Variants in TTC6 observed in about 807,000 individuals in gnomAD.
TTC6 encodes the protein tetratricopeptide repeat protein 6.
A neutral mutation model predicts 210.4 loss-of-function variants in TTC6; 172 were observed. That is an observed-to-expected ratio of 0.82 (90% confidence interval 0.72 to 0.93). The LOEUF is 0.93. Ranked by LOEUF, TTC6 falls within the 40% of genes least tolerant of loss-of-function variation. TTC6 has a pLI of 0.00. For synonymous variants in TTC6, 804 were observed against 819.6 expected, an observed-to-expected ratio of 0.98 and a Z score of 0.32; for missense variants, 2,414 against 2,318.1, an observed-to-expected ratio of 1.04 and a Z score of -0.85.
At chr14:37,791,229 G>A (rs1360223754) in intron 16 of TTC6, among the ~76,000 whole-genome samples, 1 of 152,056 alleles carries the variant, frequency 6.6e-6, no homozygotes, top group Non-Finnish European at 1.5e-5. Context: ...GCTATGGACA[G>A]GATACAACTC....
intron 29 of TTC6, among the ~76,000 whole-genome samples, chr14:37,828,576 T>G (rs1304811333): frequency 6.6e-6 from 1 of 152,096 alleles, no homozygotes; most frequent in Non-Finnish European, 1.5e-5. Context: ...GTTTTATTAA[T>G]GTTTTCCCCA....
At chr14:37,753,669 T>C (rs1306809945) in intron 14 of TTC6, among the ~76,000 whole-genome samples, 1 of 151,986 alleles carries the variant, frequency 6.6e-6, no homozygotes. Flanking sequence ...CCTGGGCTCA[T>C]GCGATCCTCC....
intron 5 of TTC6, among the ~76,000 whole-genome samples, chr14:37,704,185 C>T (rs1429679820): frequency 1.3e-5 from 2 of 152,044 alleles, no homozygotes; most frequent in African/African-American, 2.4e-5. Flanking sequence ...CTCCTGGGCT[C>T]CTCCCACTTC....
intron 1 of TTC6, among the ~76,000 whole-genome samples, chr14:37,661,472 A>T (rs1049244004): frequency 6.6e-6 from 1 of 152,204 alleles, no homozygotes; most frequent in African/African-American, 2.4e-5. Context: ...TGAAGATTAG[A>T]TGCTTGTAGC....
chr14:37,622,717 G>A (rs2095653615), exon 1 of TTC6: 1 of 1,535,030 alleles, frequency 6.5e-7, no homozygotes, highest in African/African-American at 1.4e-5. Context: ...ATGGAGGCCA[G>A]CAGCGGGCGG....
At chr14:37,791,904 G>C (rs1277213660) in intron 16 of TTC6, among the ~76,000 whole-genome samples, 1 of 152,076 alleles carries the variant, frequency 6.6e-6, no homozygotes, top group Non-Finnish European at 1.5e-5. Context: ...ACTGTCACTC[G>C]TGGCCAATAG....
chr14:37,648,924 T>C (rs1366106234), intron 1 of TTC6, among the ~76,000 whole-genome samples: 1 of 152,126 alleles, frequency 6.6e-6, no homozygotes, highest in Non-Finnish European at 1.5e-5. Context: ...CAGCATGTAG[T>C]GGGTTTGAAT....
chr14:37,600,351 G>T (rs1033079128), intron 1 of TTC6, among the ~76,000 whole-genome samples: 1 of 152,144 alleles, frequency 6.6e-6, no homozygotes, highest in African/African-American at 2.4e-5. Context: ...AGCAGTGATG[G>T]AAGCCGAGGG....
intron 26 of TTC6, among the ~76,000 whole-genome samples, chr14:37,823,483 C>G (rs1179349896): frequency 6.6e-6 from 1 of 152,098 alleles, no homozygotes; most frequent in East Asian, 1.9e-4. Context: ...TGAGAAAGAT[C>G]CAGAATATCA....
intron 1 of TTC6, among the ~76,000 whole-genome samples, chr14:37,661,327 A>G (rs2095736936): frequency 6.6e-6 from 1 of 152,134 alleles, no homozygotes; most frequent in Admixed American, 6.6e-5. Context: ...GGGATTTTAC[A>G]TTTAAATCTT....
At chr14:37,645,149 CTT>C (rs1183551806) in intron 1 of TTC6, among the ~76,000 whole-genome samples, 1 of 152,154 alleles carries the variant, frequency 6.6e-6, no homozygotes, top group Non-Finnish European at 1.5e-5. Context: ...ACTTTTCACT[CTT>C]TGCTAATTTG....
exon 5 of TTC6, chr14:37,701,355 C>T (rs926815684): frequency 1.1e-5 from 16 of 1,457,068 alleles, no homozygotes; most frequent in Non-Finnish European, 1.4e-5. Flanking sequence ...TACTCCATGC[C>T]GCACCTTCAT....
chr14:37,739,267 C>A, intron 10 of TTC6, 112 bp downstream of exon 12: 2 of 1,089,316 alleles, frequency 1.8e-6, no homozygotes, highest in Non-Finnish European at 2.5e-6. Context: ...AACATATGAA[C>A]CTTTCACTCT....
chr14:37,786,043 A>G (rs1035414604), intron 14 of TTC6, among the ~76,000 whole-genome samples: 7 of 152,270 alleles, frequency 4.6e-5, no homozygotes, highest in African/African-American at 1.7e-4. Flanking sequence ...CCTAGTGGGA[A>G]GTGCCTCCCA....
chr14:37,699,344 C>T (rs910567096), intron 4 of TTC6, among the ~76,000 whole-genome samples: 5 of 152,194 alleles, frequency 3.3e-5, no homozygotes, highest in African/African-American at 1.2e-4. Flanking sequence ...CTTAAAGCAA[C>T]TGTATCCAGG....
chr14:37,749,862 C>G lies in TTC6; in HGVS notation c.2956+19C>G. ...AATACAGGTGGGTTGTCTGTAGAGACAGTTATATTACCTACATTTTGACCT... is the reference window on the plus strand; with the variant it reads ...AATACAGGTGGGTTGTCTGTAGAGAGAGTTATATTACCTACATTTTGACCT... On this transcript the variant is annotated intron_variant, in intron 12 of 30. Transcript: ENST00000553443. 1 of 1,314,524 alleles carries G rather than the reference C, an allele frequency of 7.6e-7. No homozygotes were observed. The highest frequency in any genetic ancestry group is 2.9e-5 in the East Asian group (1 of 34,192). The allele number at this position is 1,314,524 out of a possible 1,614,324, so 81.4% of individuals were successfully genotyped here.
chr14:37,618,070 C>T (rs971325267), upstream of TTC6, among the ~76,000 whole-genome samples: 1 of 152,176 alleles, frequency 6.6e-6, no homozygotes, highest in Admixed American at 6.5e-5. Context: ...TAGCTTGGAA[C>T]CAAGTCATGT....
Position 37,751,177 on chromosome 14 carries a change from G to A in TTC6, c.3081G>A (p.Glu1027=), listed in dbSNP as rs1467904592. ...CTGATATCTATTTCAGGAGGGGTGAGATGTATGAAATAACAAACAAAGTAC... is the reference window on the plus strand; with the variant it reads ...CTGATATCTATTTCAGGAGGGGTGAAATGTATGAAATAACAAACAAAGTAC... Residue 1027 remains glutamate, a synonymous_variant, in exon 13 of 31, where the codon GAG becomes GAA. Coordinates refer to ENST00000553443, the Ensembl canonical transcript of TTC6. The A allele has an allele frequency of 2.0e-6, 3 of 1,530,968 alleles. No individual in the cohort carries two copies. The South Asian group carries it at 3.6e-5, about 18-fold the overall frequency. The allele number at this position is 1,530,968 out of a possible 1,614,324, so 94.8% of individuals were successfully genotyped here.
intron 1 of TTC6, among the ~76,000 whole-genome samples, chr14:37,626,486 C>T (rs1015352054): frequency 6.6e-6 from 1 of 152,136 alleles, no homozygotes; most frequent in Non-Finnish European, 1.5e-5. Flanking sequence ...ATGTTTGCCT[C>T]GGGGAAGATG....
Sources: allele counts gnomAD v4.1 joint callset (sites outside exome capture counted in the v4.1 genomes callset), GRCh38; gene constraint gnomAD v4.1.1; transcripts MANE v1.5; gene names NCBI Gene and HGNC (gene_info 2026-07-23, HGNC 2026-07-21).